ADNP: variants seen among roughly 807,000 people sequenced by gnomAD.
ADNP encodes activity-dependent neuroprotector homeobox protein.
In ADNP, 4 loss-of-function variants were observed where a neutral mutation model predicts 84.9. The observed-to-expected ratio is 0.05, with a 90% CI of 0.02 to 0.11. ADNP has a LOEUF of 0.11. Among genes scored for constraint, ADNP ranks in the 10% least tolerant of loss-of-function variants. ADNP has a pLI of 1.00. For missense variants in ADNP, 1,132 were observed against 1,326.0 expected (o/e 0.85, Z 2.27); for synonymous variants, 554 against 468.1 (o/e 1.18, Z -2.37).
intron 2 of ADNP, among the ~76,000 whole-genome samples, chr20:50,915,568 C>T (rs1983446209): frequency 6.6e-6 from 1 of 152,120 alleles, no homozygotes; most frequent in Admixed American, 6.5e-5. Context: ...AAAGAGCTTC[C>T]AGATGCCGGA....
intron 2 of ADNP, among the ~76,000 whole-genome samples, chr20:50,921,785 A>G (rs76586734): frequency 0.019 from 2,958 of 152,332 alleles, 73 homozygotes; most frequent in African/African-American, 0.063. Flanking sequence ...CATCAATTTA[A>G]GAGTTCACCT....
chr20:50,902,383 C>T (rs1286243342), intron 4 of ADNP, among the ~76,000 whole-genome samples: 1 of 152,288 alleles, frequency 6.6e-6, no homozygotes. Flanking sequence ...TTCAGCCACA[C>T]ACTAATATCA....
intron 2 of ADNP, among the ~76,000 whole-genome samples, chr20:50,925,696 T>C (rs1984243816): frequency 6.6e-6 from 1 of 152,248 alleles, no homozygotes; most frequent in African/African-American, 2.4e-5. Flanking sequence ...TGGTTTATAC[T>C]AGTTTCAAAC....
chr20:50,925,699 T>C (rs1209438872), intron 2 of ADNP, among the ~76,000 whole-genome samples: 2 of 152,214 alleles, frequency 1.3e-5, no homozygotes, highest in Middle Eastern at 3.2e-3. Flanking sequence ...TTTATACTAG[T>C]TTCAAACACC....
Position 50,928,692 on chromosome 20 carries a change from A to G in ADNP, c.-131T>C, listed in dbSNP as rs1305293288. On this transcript the variant is annotated 5_prime_UTR_variant, in exon 2 of 6. Transcript: ENST00000621696. Reference sequence around the variant, plus strand: ...TGTGGTCCAAAGAGCAAGGCAGGAAACGGAGTCCAGATCCTCAAAATGGTA... The same window carrying G: ...TGTGGTCCAAAGAGCAAGGCAGGAAGCGGAGTCCAGATCCTCAAAATGGTA... 2 of 152,250 alleles carry G rather than the reference A, an allele frequency of 1.3e-5. No individual in the cohort carries two copies. The highest frequency in any genetic ancestry group is 2.9e-5 in the Non-Finnish European group (2 of 68,080). 9.4% of individuals were successfully genotyped at this position (152,250 alleles called of 1,614,324 possible).
At chr20:50,909,363 C>CAAAAAAAAAAAAAAAAAATAAAA (rs1982811842) in intron 2 of ADNP, 1 of 44,352 alleles carries the variant, frequency 2.3e-5, no homozygotes, top group Non-Finnish European at 4.0e-5. Flanking sequence ...AAAACTGTCT[C>CAAAAAAAAAAAAAAAAAATAAAA]AAAAAAAAAA....
chr20:50,916,124 TTTAG>T (rs1168991497), intron 2 of ADNP, among the ~76,000 whole-genome samples: 1 of 152,228 alleles, frequency 6.6e-6, no homozygotes, highest in Non-Finnish European at 1.5e-5. Flanking sequence ...TAACTATTTC[TTTAG>T]TTAGGAGTGT....
Position 50,892,946 on chromosome 20 carries a change from G to A in ADNP, c.1768C>T (p.Pro590Ser), listed in dbSNP as rs760374363. Reference sequence around the variant, plus strand: ...TGAACCTTTGGCTGTGGCTTTGGAGGAACTGGAGGATTATTTTGGGCATGG... The same window carrying A: ...TGAACCTTTGGCTGTGGCTTTGGAGAAACTGGAGGATTATTTTGGGCATGG... ...AYHAQNNPPVPPKPQPKVQEK... is the reference protein window; with the variant it reads ...AYHAQNNPPVSPKPQPKVQEK... Residue 590 changes from proline (P) to serine (S), a missense_variant, in exon 6 of 6, where the codon CCT becomes TCT. Pro to Ser is a moderately conservative substitution (Grantham distance 74). Coordinates refer to ENST00000621696, the MANE Select transcript of ADNP (RefSeq NM_001282531.3). The A allele has an allele frequency of 3.1e-6, 5 of 1,614,086 alleles. No homozygotes were observed. The highest frequency in any genetic ancestry group is 4.2e-6 in the Non-Finnish European group (5 of 1,180,042).
At chr20:50,914,747 C>T (rs972737609) in intron 2 of ADNP, among the ~76,000 whole-genome samples, 3 of 152,196 alleles carry the variant, frequency 2.0e-5, no homozygotes, top group African/African-American at 4.8e-5. Flanking sequence ...ACAGGCTAGT[C>T]GTTCTGCTAG....
At position 50,893,117 on chromosome 20, in the gene ADNP, T is replaced by A. The variant is rs761339004; in HGVS notation, c.1597A>T (p.Met533Leu). ...CCCATCTCTTCATCAATGTGAACCA[T>A]CCGCATGTGTGCGGCCATCTTTTCC... Reference protein sequence around the residue: ...DVEKMAAHMRMVHIDEEMGPK... With the variant: ...DVEKMAAHMRLVHIDEEMGPK... Residue 533 changes from methionine to leucine, a missense_variant, in exon 6 of 6, where the codon ATG becomes TTG. Coordinates refer to ENST00000621696, the MANE Select transcript of ADNP (RefSeq NM_001282531.3). The surrounding 1 kb of genome is among the most constrained non-coding windows in gnomAD (Gnocchi z 4.4). The A allele has an allele frequency of 6.2e-7, 1 of 1,614,250 alleles. No individual in the cohort carries two copies. The highest frequency in any genetic ancestry group is 1.1e-5 in the South Asian group (1 of 91,088).
chr20:50,922,169 G>C (rs1003245270), intron 2 of ADNP, among the ~76,000 whole-genome samples: 1 of 152,176 alleles, frequency 6.6e-6, no homozygotes, highest in East Asian at 1.9e-4. Context: ...TCGTGAAGTT[G>C]TCTTCTGTGA....
chr20:50,902,187 TTAAC>T, intron 4 of ADNP, 78 bp from the exon 5 acceptor site: 1 of 1,064,364 alleles, frequency 9.4e-7, no homozygotes, highest in Non-Finnish European at 1.4e-6. Flanking sequence ...ATCTCACCTC[TTAAC>T]TAAGATGGGG....
intron 2 of ADNP, among the ~76,000 whole-genome samples, chr20:50,906,155 T>C (rs1036502486): frequency 6.6e-6 from 1 of 152,134 alleles, no homozygotes; most frequent in African/African-American, 2.4e-5. Flanking sequence ...GAGGTTGCAG[T>C]GAGCCAAGAT....
chr20:50,923,865 G>A (rs1984120205), intron 2 of ADNP, among the ~76,000 whole-genome samples: 1 of 152,178 alleles, frequency 6.6e-6, no homozygotes, highest in African/African-American at 2.4e-5. Context: ...AGGATTCTGA[G>A]CACTTCTTGC....
chr20:50,912,960 GC>G (rs1983179646), intron 2 of ADNP, among the ~76,000 whole-genome samples: 1 of 151,962 alleles, frequency 6.6e-6, no homozygotes, highest in Admixed American at 6.6e-5. Flanking sequence ...GAAGAAAACG[GC>G]AGCTGTCAGG....
chr20:50,916,150 A>C (rs995625168), intron 2 of ADNP, among the ~76,000 whole-genome samples: 1 of 152,222 alleles, frequency 6.6e-6, no homozygotes, highest in Non-Finnish European at 1.5e-5. Flanking sequence ...AATTTATGCA[A>C]GGCGAAAGAT....
At chr20:50,901,729 AAT>A (rs976098005) in intron 5 of ADNP, among the ~76,000 whole-genome samples, 1 of 152,220 alleles carries the variant, frequency 6.6e-6, no homozygotes, top group Non-Finnish European at 1.5e-5. Context: ...GATGCAGAAA[AAT>A]AGAGCCAGAG....
Position 50,889,024 on chromosome 20 carries a change from G to C in ADNP, c.*2381C>G, listed in dbSNP as rs1289169085. The C allele has an allele frequency of 6.6e-6, 1 of 152,170 alleles. No homozygotes were observed. The highest frequency in any genetic ancestry group is 1.5e-5 in the Non-Finnish European group (1 of 68,022). 9.4% of individuals were successfully genotyped at this position (152,170 alleles called of 1,614,324 possible). ...ATAGCCAACGATCTCCAGATTATTT[G>C]AAAAGCAAACAGTAGCAACAATATT... On this transcript the variant is annotated 3_prime_UTR_variant, in exon 6 of 6. Coordinates refer to ENST00000621696, the MANE Select transcript of ADNP (RefSeq NM_001282531.3).
chr20:50,891,144 G>T lies in ADNP; in HGVS notation c.*261C>A. 8.0e-7 allele frequency: 1 copy of T among 1,254,292 alleles called. No homozygotes were observed. Among genetic ancestry groups the T allele is most frequent in the Non-Finnish European group, 1.0e-6 (1 of 1,000,452 alleles). 77.7% of individuals were successfully genotyped at this position (1,254,292 alleles called of 1,614,324 possible). On this transcript the variant is annotated 3_prime_UTR_variant, in exon 6 of 6. Transcript: ENST00000621696. ...GAAAAGGCAGATAAAATAAACCTCT[G>T]CTTTTCCTCGTGTGTATTCATGAGT...
Sources: allele counts gnomAD v4.1 joint callset (sites outside exome capture counted in the v4.1 genomes callset), GRCh38; gene constraint gnomAD v4.1.1; non-coding constraint Gnocchi (gnomAD v3.1); transcripts MANE v1.5; gene names NCBI Gene and HGNC (gene_info 2026-07-23, HGNC 2026-07-21).